The following DMRT1 variants were observed in gnomAD, a reference collection of about 807,000 sequenced individuals.
DMRT1 encodes the protein doublesex- and mab-3-related transcription factor 1.
DMRT1 carries 7 observed loss-of-function variants against 32.3 expected under a neutral mutation model. The observed-to-expected ratio is 0.22, with a 90% CI of 0.12 to 0.41. The LOEUF is 0.41. Ranked by LOEUF, DMRT1 falls within the 10% of genes least tolerant of loss-of-function variation. The probability of loss-of-function intolerance (pLI) is 1.00; values close to 1 mark genes in which losing one functional copy is unlikely to be tolerated. For missense variants in DMRT1, 625 were observed against 500.5 expected (o/e 1.25, Z -2.37); for synonymous variants, 278 against 206.1 (o/e 1.35, Z -2.99).
intron 3 of DMRT1, among the ~76,000 whole-genome samples, chr9:909,887 A>G (rs1817911208): frequency 6.6e-6 from 1 of 151,804 alleles, no homozygotes; most frequent in Non-Finnish European, 1.5e-5. Context: ...TAATTTTTTA[A>G]ATTTTTTGTA....
chr9:894,250 T>G, intron 3 of DMRT1, 55 bp downstream of exon 3: 1 of 1,559,296 alleles, frequency 6.4e-7, no homozygotes. Flanking sequence ...CACATGCATG[T>G]GCACACACAT....
At chr9:887,719 C>T (rs1816986066) in intron 2 of DMRT1, among the ~76,000 whole-genome samples, 2 of 152,172 alleles carry the variant, frequency 1.3e-5, no homozygotes, top group African/African-American at 4.8e-5. Flanking sequence ...TCATCACTCA[C>T]CGTGGCCTTT....
chr9:930,490 C>T (rs1056332474), intron 4 of DMRT1, among the ~76,000 whole-genome samples: 2 of 152,004 alleles, frequency 1.3e-5, no homozygotes, highest in Non-Finnish European at 2.9e-5. Context: ...CGGCTCACTG[C>T]AAGCTCCGCC....
intron 3 of DMRT1, among the ~76,000 whole-genome samples, chr9:907,990 T>C (rs530657424): frequency 8.7e-4 from 132 of 152,320 alleles, no homozygotes; most frequent in African/African-American, 2.9e-3. Context: ...TGATGGCAGA[T>C]GGTGAAAACA....
intron 1 of DMRT1, among the ~76,000 whole-genome samples, chr9:845,867 A>G (rs74549927): frequency 0.011 from 1,628 of 152,140 alleles, 28 homozygotes; most frequent in African/African-American, 0.037. Flanking sequence ...CCTATTCTTC[A>G]AGGCTCTGTC....
In DMRT1 at chr9:841,991, C is replaced by T. The variant is rs757172566; in HGVS notation, c.153C>T (p.Ser51=). ...AASGSSAGGS[S]RGGGSGSGAS... Reference sequence around the variant, plus strand: ...GCGGCTCGAGCGCCGGGGGCAGCAGCAGAGGAGGCGGCTCCGGCTCCGGGG... The same window carrying T: ...GCGGCTCGAGCGCCGGGGGCAGCAGTAGAGGAGGCGGCTCCGGCTCCGGGG... The change falls in exon 1 of 5, where the codon AGC becomes AGT. Residue 51 remains serine, a synonymous_variant. Coordinates refer to ENST00000382276, the MANE Select transcript of DMRT1 (RefSeq NM_021951.3). The T allele has an allele frequency of 2.5e-4, 398 of 1,570,192 alleles. No individual in the cohort carries two copies. Among genetic ancestry groups the T allele is most frequent in the Non-Finnish European group, 3.1e-4 (364 of 1,159,142 alleles).
chr9:867,860 T>C (rs1486059097), intron 2 of DMRT1, among the ~76,000 whole-genome samples: 1 of 152,264 alleles, frequency 6.6e-6, no homozygotes, highest in African/African-American at 2.4e-5. Context: ...ATATTTTCTC[T>C]GTAAGTGCTG....
chr9:842,939 G>C (rs1467921032), intron 1 of DMRT1: 1 of 152,214 alleles, frequency 6.6e-6, no homozygotes, highest in Non-Finnish European at 1.5e-5. Flanking sequence ...CAGGATCTTC[G>C]CTCCCGCCCT....
intron 4 of DMRT1, among the ~76,000 whole-genome samples, chr9:918,494 G>A (rs1359436295): frequency 6.6e-6 from 1 of 152,160 alleles, no homozygotes; most frequent in African/African-American, 2.4e-5. Flanking sequence ...AGAAAAGGAA[G>A]CGACTCAGAA....
intron 3 of DMRT1, among the ~76,000 whole-genome samples, chr9:900,687 T>G (rs988245810): frequency 2.1e-5 from 3 of 141,372 alleles, no homozygotes; most frequent in African/African-American, 7.7e-5. Flanking sequence ...ATCTACTTAA[T>G]TTTTTTTTTT....
chr9:914,573 C>CAA (rs34584256), intron 3 of DMRT1, among the ~76,000 whole-genome samples: 34,999 of 65,920 alleles, frequency 0.53, 10,490 homozygotes, highest in East Asian at 0.65. Flanking sequence ...GACTCTGTCT[C>CAA]AAAAAAAAAA....
intron 4 of DMRT1, among the ~76,000 whole-genome samples, chr9:941,818 T>C (rs1295342200): frequency 6.6e-6 from 1 of 152,234 alleles, no homozygotes; most frequent in African/African-American, 2.4e-5. Context: ...TCTTTATTTA[T>C]GTAGTAAGTC....
chr9:862,547 T>G (rs1339601992), intron 2 of DMRT1, among the ~76,000 whole-genome samples: 2 of 151,396 alleles, frequency 1.3e-5, no homozygotes, highest in African/African-American at 4.8e-5. Context: ...GAGATTGAGA[T>G]TTACTTTCTT....
At chr9:880,818 C>T (rs923508937) in intron 2 of DMRT1, among the ~76,000 whole-genome samples, 8 of 152,126 alleles carry the variant, frequency 5.3e-5, no homozygotes, top group South Asian at 2.1e-4. Flanking sequence ...CCACCCTTGC[C>T]GCTGCATCAT....
At chr9:897,648 T>G (rs995017070) in intron 3 of DMRT1, among the ~76,000 whole-genome samples, 1 of 151,978 alleles carries the variant, frequency 6.6e-6, no homozygotes, top group South Asian at 2.1e-4. Flanking sequence ...CTCCCTATTA[T>G]GTCGTTGTTG....
At position 851,501 on chromosome 9, in the gene DMRT1, G is replaced by C. The variant is rs566178797; in HGVS notation, c.538+4358G>C. Among the ~76,000 whole-genome samples, 3 of 152,152 alleles carry C rather than the reference G, an allele frequency of 2.0e-5. No homozygotes were observed. In the South Asian group the frequency reaches 6.2e-4, roughly 32 times the overall value. On this transcript the variant is annotated intron_variant, in intron 2 of 4. Coordinates refer to ENST00000382276, the MANE Select transcript of DMRT1 (RefSeq NM_021951.3). ...TGATTGCCCGCCTCGGCCTCCCAAA[G>C]TGCTGGGATTACAGGCGTGAGCCAC...
intron 4 of DMRT1, among the ~76,000 whole-genome samples, chr9:927,206 G>A (rs898876871): frequency 6.6e-6 from 1 of 152,256 alleles, no homozygotes; most frequent in Non-Finnish European, 1.5e-5. Flanking sequence ...AAGGTGTGCT[G>A]TCCTTCTTTC....
intron 4 of DMRT1, among the ~76,000 whole-genome samples, chr9:927,178 C>G (rs1445895593): frequency 1.3e-5 from 2 of 152,250 alleles, no homozygotes; most frequent in Admixed American, 1.3e-4. Flanking sequence ...CCAAGTACAA[C>G]TTGAATAACC....
chr9:860,844 A>G (rs889728273), intron 2 of DMRT1, among the ~76,000 whole-genome samples: 2 of 152,248 alleles, frequency 1.3e-5, no homozygotes, highest in East Asian at 1.9e-4. Context: ...AGGAAGGAGC[A>G]GCAAGGTGAG....
Sources: gnomAD v4.1 joint callset for allele counts (sites outside exome capture counted in the v4.1 genomes callset) on GRCh38, gnomAD v4.1.1 for gene constraint, MANE v1.5 for transcripts, NCBI Gene and HGNC (gene_info 2026-07-23, HGNC 2026-07-21) for gene names.